The following TRDMT1 variants were observed in gnomAD, a reference collection of about 807,000 sequenced individuals.
TRDMT1 encodes tRNA (cytosine(38)-C(5))-methyltransferase.
TRDMT1 carries 49 observed loss-of-function variants against 51.2 expected under a neutral mutation model. That is an observed-to-expected ratio of 0.96 (90% CI 0.76 to 1.21). The LOEUF (loss-of-function observed/expected upper bound fraction) is 1.21, where lower values mean the gene tolerates loss of function less well. TRDMT1 is among the 50% of genes most tolerant of loss of function. TRDMT1 has a pLI of 0.00. For missense variants in TRDMT1, 534 were observed against 462.3 expected (o/e 1.16, Z -1.42); for synonymous variants, 187 against 164.6 (o/e 1.14, Z -1.04).
chr10:17,177,745 C>CACAG (rs1233983017), intron 1 of TRDMT1, among the ~76,000 whole-genome samples: 1 of 151,696 alleles, frequency 6.6e-6, no homozygotes, highest in African/African-American at 2.4e-5. Context: ...CACACACACA[C>CACAG]AGACATTTGA....
At chr10:17,176,930 A>T (rs1044076776) in intron 1 of TRDMT1, among the ~76,000 whole-genome samples, 2 of 152,128 alleles carry the variant, frequency 1.3e-5, no homozygotes, top group Non-Finnish European at 2.9e-5. Flanking sequence ...AATTTTGCCT[A>T]TGTGAGCTCC....
At chr10:17,174,960 T>C (rs1477859109) in intron 1 of TRDMT1, among the ~76,000 whole-genome samples, 2 of 152,188 alleles carry the variant, frequency 1.3e-5, no homozygotes, top group East Asian at 1.9e-4. Flanking sequence ...ATAAGTCAAA[T>C]AGAAAGTTTT....
At chr10:17,183,845 C>A (rs889526226) in intron 1 of TRDMT1, among the ~76,000 whole-genome samples, 2 of 152,172 alleles carry the variant, frequency 1.3e-5, no homozygotes, top group African/African-American at 4.8e-5. Context: ...CAAGGTCAGA[C>A]AAGAAAGGTT....
At chr10:17,154,204 AT>A (rs1325750498) in intron 9 of TRDMT1, among the ~76,000 whole-genome samples, 2 of 152,190 alleles carry the variant, frequency 1.3e-5, no homozygotes, top group Non-Finnish European at 2.9e-5. Context: ...ATTCAAAAAA[AT>A]ATAAAACTTG....
At chr10:17,151,468 A>G (rs376422725) in intron 10 of TRDMT1, 2 of 972,768 alleles carry the variant, frequency 2.1e-6, no homozygotes, top group Non-Finnish European at 1.2e-6. Context: ...GTAGACAAAC[A>G]GCTCAAACAA....
intron 1 of TRDMT1, chr10:17,201,349 G>A (rs1846133191): frequency 1.9e-6 from 1 of 513,178 alleles, no homozygotes; most frequent in Non-Finnish European, 3.4e-6. Context: ...GCCATGTGCG[G>A]CCCCTCGAGC....
In TRDMT1 at chr10:17,142,130, T is replaced by A. The variant is rs1837738729; in HGVS notation, c.*6910A>T. 1 of 152,228 alleles carries A rather than the reference T, an allele frequency of 6.6e-6. No homozygotes were observed. The highest frequency in any genetic ancestry group is 6.5e-5 in the Admixed American group (1 of 15,288). 9.4% of individuals were successfully genotyped at this position (152,228 alleles called of 1,614,324 possible). A position where few individuals can be genotyped will look rare whatever the true frequency, so the allele number is the denominator to read the frequency against. ...TTGCTTAAAATCCTTGTCAAGTAAT[T>A]CCAACATCTGATTTGTCTCAGTGTT... On this transcript the variant is annotated 3_prime_UTR_variant, in exon 11 of 11. Coordinates refer to ENST00000377799, the MANE Select transcript of TRDMT1 (RefSeq NM_004412.7).
At position 17,138,760 on chromosome 10, in the gene TRDMT1, GT is replaced by G. The variant is rs536540071; in HGVS notation, c.*10279del. Among the ~76,000 whole-genome samples, 203 of 147,168 alleles carry G rather than the reference GT, an allele frequency of 1.4e-3. No homozygotes were observed. Among genetic ancestry groups the G allele is most frequent in the African/African-American group, 4.3e-3 (173 of 40,350 alleles). ...TGGAGAACTTTTCCACTTTTTTCAA[GT>G]TTTTTTTTTTAAGTAATATAATCCC... is the stretch of plus-strand genomic sequence containing the variant. On this transcript the variant is annotated 3_prime_UTR_variant, in exon 11 of 11. Coordinates refer to ENST00000377799, the MANE Select transcript of TRDMT1 (RefSeq NM_004412.7).
chr10:17,189,576 C>T (rs1164721934), intron 1 of TRDMT1, among the ~76,000 whole-genome samples: 4 of 152,058 alleles, frequency 2.6e-5, no homozygotes, highest in Non-Finnish European at 5.9e-5. Context: ...ATTATCTCAG[C>T]AAACAATAAC....
intron 1 of TRDMT1, among the ~76,000 whole-genome samples, chr10:17,177,513 T>C (rs1255472286): frequency 6.6e-6 from 1 of 152,064 alleles, no homozygotes; most frequent in Non-Finnish European, 1.5e-5. Flanking sequence ...AAAAACACAG[T>C]ACAAATTATT....
chr10:17,167,130 A>G (rs1841328239), intron 3 of TRDMT1, among the ~76,000 whole-genome samples: 1 of 152,198 alleles, frequency 6.6e-6, no homozygotes, highest in African/African-American at 2.4e-5. Context: ...TTCCCATTAG[A>G]CTATGAGCTC....
chr10:17,168,306 AATT>A (rs1313848896), intron 3 of TRDMT1, among the ~76,000 whole-genome samples: 1 of 152,116 alleles, frequency 6.6e-6, no homozygotes, highest in Non-Finnish European at 1.5e-5. Flanking sequence ...CTGTCCCAAT[AATT>A]ATTATTATTT....
At chr10:17,155,705 A>C (rs1174069588) in intron 8 of TRDMT1, among the ~76,000 whole-genome samples, 1 of 152,192 alleles carries the variant, frequency 6.6e-6, no homozygotes, top group Admixed American at 6.5e-5. Flanking sequence ...TATTAGCATT[A>C]TTTCTTTTTC....
rs531957047 is a variant in TRDMT1, at chr10:17,175,753, C to G, written c.65-1093G>C. Reference sequence around the variant, plus strand: ...GGAAATAAAAGCAGACCACAGGAGACAGGGCAAGGAGAAAGGCTCACACAC... The same window carrying G: ...GGAAATAAAAGCAGACCACAGGAGAGAGGGCAAGGAGAAAGGCTCACACAC... On this transcript the variant is annotated intron_variant, in intron 1 of 10. Coordinates refer to ENST00000377799, the MANE Select transcript of TRDMT1 (RefSeq NM_004412.7). Among the ~76,000 whole-genome samples the G allele has an allele frequency of 5.3e-5, 8 of 151,260 alleles. No homozygotes were observed. The South Asian group carries it at 1.7e-3, about 32-fold the overall frequency.
intron 1 of TRDMT1, among the ~76,000 whole-genome samples, chr10:17,200,116 A>C (rs1414452807): frequency 1.3e-5 from 2 of 152,222 alleles, no homozygotes; most frequent in Non-Finnish European, 2.9e-5. Flanking sequence ...CTTACTGTTG[A>C]ATTAATTCCA....
intron 1 of TRDMT1, among the ~76,000 whole-genome samples, chr10:17,201,082 T>C (rs565605932): frequency 1.6e-4 from 24 of 152,324 alleles, no homozygotes; most frequent in Admixed American, 1.4e-3. Context: ...CCATCCTATT[T>C]AGCATTCGCA....
Position 17,143,896 on chromosome 10 carries a change from A to G in TRDMT1, c.*5144T>C. ...ACTGACTATAGAATGGAGTGTGCTT[A>G]GGTTGCAAGCATGCTAAATTTGATG... On this transcript the variant is annotated 3_prime_UTR_variant, in exon 11 of 11. Transcript: ENST00000377799. 1.0e-6 allele frequency: 1 copy of G among 984,362 alleles called. No homozygotes were observed. The highest frequency in any genetic ancestry group is 4.7e-5 in the South Asian group (1 of 21,238). 61.0% of individuals were successfully genotyped at this position (984,362 alleles called of 1,614,324 possible).
At position 17,148,206 on chromosome 10, in the gene TRDMT1, C is replaced by T. The variant is rs1232161655; in HGVS notation, c.*834G>A. On this transcript the variant is annotated 3_prime_UTR_variant, in exon 11 of 11. Coordinates refer to ENST00000377799, the MANE Select transcript of TRDMT1 (RefSeq NM_004412.7). Reference sequence around the variant, plus strand: ...TGTATGTTGCTACAATAAAGAACAACTGGGGGGAGGGGAGTACTGTCATAT... The same window carrying T: ...TGTATGTTGCTACAATAAAGAACAATTGGGGGGAGGGGAGTACTGTCATAT... The T allele has an allele frequency of 1.0e-6, 1 of 985,224 alleles. No individual in the cohort carries two copies. Among genetic ancestry groups the T allele is most frequent in the African/African-American group, 1.7e-5 (1 of 57,204 alleles). The allele number at this position is 985,224 out of a possible 1,614,324, so 61.0% of individuals were successfully genotyped here.
chr10:17,168,970 G>A, intron 2 of TRDMT1, 53 bp from the exon 3 acceptor site: 1 of 1,170,018 alleles, frequency 8.5e-7, no homozygotes, highest in South Asian at 1.4e-5. Context: ...TGGATAGAAT[G>A]GGGAAGAGGG....
Sources: gnomAD v4.1 joint callset for allele counts (sites outside exome capture counted in the v4.1 genomes callset) on GRCh38, gnomAD v4.1.1 for gene constraint, MANE v1.5 for transcripts, NCBI Gene and HGNC (gene_info 2026-07-23, HGNC 2026-07-21) for gene names.